The following DCLK2 variants were observed in gnomAD, a reference collection of about 807,000 sequenced individuals.
The protein encoded by DCLK2 is serine/threonine-protein kinase DCLK2.
Under a neutral mutation model 78.4 loss-of-function variants are expected in DCLK2, and 31 were observed. That is an observed-to-expected ratio of 0.40 (90% CI 0.30 to 0.53). The LOEUF is 0.53. Ranked by LOEUF, DCLK2 falls within the 20% of genes least tolerant of loss-of-function variation. DCLK2 has a pLI of 0.61. For missense variants in DCLK2, 872 were observed against 973.7 expected (o/e 0.90, Z 1.39); for synonymous variants, 407 against 374.9 (o/e 1.09, Z -0.99).
At chr4:150,084,343 T>G (rs1459228890) in intron 1 of DCLK2, among the ~76,000 whole-genome samples, 3 of 152,176 alleles carry the variant, frequency 2.0e-5, no homozygotes, top group African/African-American at 7.2e-5. Context: ...TCCTAGATAT[T>G]TGTGAAAATA....
At chr4:150,149,184 A>G (rs1022584636) in intron 2 of DCLK2, among the ~76,000 whole-genome samples, 5 of 151,802 alleles carry the variant, frequency 3.3e-5, no homozygotes, top group East Asian at 1.9e-4. Context: ...CAGACCCCCC[A>G]CCCCTCAAAT....
chr4:150,103,195 T>G (rs1055744178), intron 2 of DCLK2, among the ~76,000 whole-genome samples: 8 of 152,128 alleles, frequency 5.3e-5, no homozygotes, highest in African/African-American at 1.7e-4. Flanking sequence ...ATCACAGGAG[T>G]CAAAATTAAA....
intron 2 of DCLK2, among the ~76,000 whole-genome samples, chr4:150,187,803 C>CT (rs11415812): frequency 0.92 from 126,981 of 137,548 alleles, 58,790 homozygotes; most frequent in Middle Eastern, 0.96. Context: ...CTCAGTTGTA[C>CT]TTTTTTTTTT....
intron 2 of DCLK2, chr4:150,175,297 C>T (rs1214847564): frequency 6.8e-6 from 1 of 147,786 alleles, no homozygotes; most frequent in African/African-American, 2.5e-5. Flanking sequence ...AGGGAGATTT[C>T]AACCAAGGAC....
intron 2 of DCLK2, among the ~76,000 whole-genome samples, chr4:150,134,256 T>C (rs995288540): frequency 6.6e-6 from 1 of 151,770 alleles, no homozygotes; most frequent in Non-Finnish European, 1.5e-5. Flanking sequence ...AATTTTTGTA[T>C]TTTTTAGTAG....
At chr4:150,114,519 A>C (rs1423409897) in intron 2 of DCLK2, among the ~76,000 whole-genome samples, 2 of 152,078 alleles carry the variant, frequency 1.3e-5, no homozygotes, top group Non-Finnish European at 2.9e-5. Context: ...TGCTGTCAAG[A>C]GGTTCTATTA....
At chr4:150,191,548 C>T (rs1738452245) in intron 2 of DCLK2, among the ~76,000 whole-genome samples, 1 of 152,092 alleles carries the variant, frequency 6.6e-6, no homozygotes, top group Non-Finnish European at 1.5e-5. Flanking sequence ...TGAATTCTAG[C>T]ATGAGTGAAG....
intron 15 of DCLK2, among the ~76,000 whole-genome samples, chr4:150,252,396 C>T (rs1185776840): frequency 4.6e-5 from 7 of 152,162 alleles, no homozygotes; most frequent in Admixed American, 2.0e-4. Flanking sequence ...AACCTTTAAC[C>T]GCCCTGTGCC....
At chr4:150,169,147 C>A (rs1009212359) in intron 2 of DCLK2, among the ~76,000 whole-genome samples, 1 of 151,984 alleles carries the variant, frequency 6.6e-6, no homozygotes, top group South Asian at 2.1e-4. Context: ...CCAGGACTCT[C>A]ATCTGACACA....
chr4:150,130,127 A>G (rs1733197650), intron 2 of DCLK2, among the ~76,000 whole-genome samples: 1 of 152,290 alleles, frequency 6.6e-6, no homozygotes, highest in African/African-American at 2.4e-5. Context: ...CATCCAGTCT[A>G]TTTAATGAAT....
At chr4:150,226,319 C>T in intron 8 of DCLK2, among the ~76,000 whole-genome samples, 1 of 146,618 alleles carries the variant, frequency 6.8e-6, no homozygotes, top group African/African-American at 2.5e-5. Context: ...ATAAGGTTTT[C>T]TTTTGCTTAA....
intron 5 of DCLK2, among the ~76,000 whole-genome samples, chr4:150,207,413 T>C (rs1275004965): frequency 6.6e-6 from 1 of 152,216 alleles, no homozygotes; most frequent in Non-Finnish European, 1.5e-5. Flanking sequence ...GGTAGGGGCA[T>C]TGAAAGAACT....
At chr4:150,229,952 G>T (rs1056251478) in intron 8 of DCLK2, among the ~76,000 whole-genome samples, 2 of 152,098 alleles carry the variant, frequency 1.3e-5, no homozygotes, top group Admixed American at 6.6e-5. Context: ...CTACATACAG[G>T]TTGCACAAGA....
intron 2 of DCLK2, among the ~76,000 whole-genome samples, chr4:150,127,563 T>C (rs1334546998): frequency 1.3e-5 from 2 of 152,032 alleles, no homozygotes; most frequent in African/African-American, 2.4e-5. Context: ...ATATGGGGAG[T>C]AAGGATTATA....
At chr4:150,099,944 G>A (rs1730772052) in intron 1 of DCLK2, among the ~76,000 whole-genome samples, 1 of 152,100 alleles carries the variant, frequency 6.6e-6, no homozygotes, top group African/African-American at 2.4e-5. Flanking sequence ...ACAGGATCTT[G>A]CTCTGTTGCC....
rs562322246 is a variant in DCLK2, at chr4:150,174,229, C to A, written c.757-18909C>A. ...CCTCTTTGATGTACGTAGCACTTCC[C>A]CTACTGAGTAGCCATGCGGCATCCT... On this transcript the variant is annotated intron_variant, in intron 2 of 15. Transcript: ENST00000296550. 5.3e-5 allele frequency among the ~76,000 whole-genome samples: 8 copies of A among 152,292 alleles called. No individual in the cohort carries two copies. The South Asian group carries it at 1.7e-3, about 32-fold the overall frequency.
At chr4:150,079,938 G>C (rs1166015462) in intron 1 of DCLK2, among the ~76,000 whole-genome samples, 1 of 152,186 alleles carries the variant, frequency 6.6e-6, no homozygotes, top group East Asian at 1.9e-4. Context: ...CCTTGCAGCA[G>C]AAGTTACTTG....
intron 2 of DCLK2, among the ~76,000 whole-genome samples, chr4:150,144,181 C>T (rs1381707115): frequency 1.3e-5 from 2 of 152,086 alleles, no homozygotes; most frequent in Non-Finnish European, 2.9e-5. Context: ...AAGAGTTTTT[C>T]CTAGGTTTTA....
chr4:150,239,145 CTACTGT>C (rs1433323232), intron 10 of DCLK2, among the ~76,000 whole-genome samples: 8 of 152,178 alleles, frequency 5.3e-5, no homozygotes, highest in Non-Finnish European at 1.2e-4. Context: ...TACACTCTAA[CTACTGT>C]GTAAGCAAGC....
Sources: gnomAD v4.1 joint callset for allele counts (sites outside exome capture counted in the v4.1 genomes callset) on GRCh38, gnomAD v4.1.1 for gene constraint, MANE v1.5 for transcripts, NCBI Gene and HGNC (gene_info 2026-07-23, HGNC 2026-07-21) for gene names.